ZBTB20: variants seen among roughly 807,000 people sequenced by gnomAD.
The protein encoded by ZBTB20 is zinc finger and BTB domain-containing protein 20.
A neutral mutation model predicts 56.9 loss-of-function variants in ZBTB20; 9 were observed. The ratio of observed to expected loss-of-function variants is 0.16; its 90% CI spans 0.10 to 0.28. The LOEUF is 0.28. Among genes scored for constraint, ZBTB20 ranks in the 10% least tolerant of loss-of-function variants. The pLI is 1.00. For missense variants in ZBTB20, 655 were observed against 1,003.0 expected (o/e 0.65, Z 4.69); for synonymous variants, 417 against 420.7 (o/e 0.99, Z 0.11).
chr3:114,984,909 A>G (rs1007641770), intron 2 of ZBTB20, among the ~76,000 whole-genome samples: 7 of 151,980 alleles, frequency 4.6e-5, no homozygotes, highest in African/African-American at 1.4e-4. Flanking sequence ...TCATCAGGCC[A>G]TGCTTGTTTG....
intron 4 of ZBTB20, among the ~76,000 whole-genome samples, chr3:114,869,390 C>A (rs1377504799): frequency 6.6e-6 from 1 of 152,098 alleles, no homozygotes; most frequent in Non-Finnish European, 1.5e-5. Context: ...ATCAGGTCCA[C>A]ATTTGTTGCT....
chr3:114,558,683 ATT>A (rs1273679192), intron 6 of ZBTB20, among the ~76,000 whole-genome samples: 8 of 152,108 alleles, frequency 5.3e-5, no homozygotes, highest in African/African-American at 9.7e-5. Flanking sequence ...AACTGTAGTG[ATT>A]TCTTTCAATG....
At chr3:115,124,166 A>G (rs2084258605) in intron 1 of ZBTB20, among the ~76,000 whole-genome samples, 1 of 152,240 alleles carries the variant, frequency 6.6e-6, no homozygotes, top group African/African-American at 2.4e-5. Context: ...TTAGATTTAT[A>G]CAAAGTTGCT....
At chr3:115,091,923 T>C (rs898549068) in intron 1 of ZBTB20, among the ~76,000 whole-genome samples, 1 of 151,984 alleles carries the variant, frequency 6.6e-6, no homozygotes, top group Non-Finnish European at 1.5e-5. Flanking sequence ...AGAGGTGATA[T>C]TGCCAAGTTA....
chr3:114,641,738 GA>G (rs1436782848), intron 6 of ZBTB20, among the ~76,000 whole-genome samples: 1 of 151,030 alleles, frequency 6.6e-6, no homozygotes, highest in African/African-American at 2.4e-5. Context: ...AATTTGACTA[GA>G]AAAAAAATGA....
chr3:114,678,435 C>T (rs1420587850), intron 6 of ZBTB20, among the ~76,000 whole-genome samples: 3 of 152,172 alleles, frequency 2.0e-5, no homozygotes, highest in South Asian at 2.1e-4. Flanking sequence ...ACTCTTCAGT[C>T]AACTATAGGA....
chr3:114,750,608 A>G (rs886937010), intron 5 of ZBTB20, among the ~76,000 whole-genome samples: 1 of 152,122 alleles, frequency 6.6e-6, no homozygotes, highest in African/African-American at 2.4e-5. Context: ...TCTGAGGGGG[A>G]AAAAATAGGC....
intron 4 of ZBTB20, among the ~76,000 whole-genome samples, chr3:114,839,388 A>T (rs1197505517): frequency 7.0e-6 from 1 of 143,244 alleles, no homozygotes; most frequent in Admixed American, 7.0e-5. Context: ...AGCCTGGGTG[A>T]CAGAGTGAGA....
intron 2 of ZBTB20, among the ~76,000 whole-genome samples, chr3:114,983,952 C>G (rs144640512): frequency 6.6e-6 from 1 of 152,060 alleles, no homozygotes; most frequent in Non-Finnish European, 1.5e-5. Flanking sequence ...GAAACGATTT[C>G]CTTTGCTATA....
At chr3:114,969,506 T>G (rs1187717873) in intron 3 of ZBTB20, among the ~76,000 whole-genome samples, 1 of 152,216 alleles carries the variant, frequency 6.6e-6, no homozygotes, top group African/African-American at 2.4e-5. Context: ...TCTATACGTA[T>G]ACTGGTAAAG....
At chr3:114,900,388 T>G (rs2075061434) in intron 3 of ZBTB20, 46 bp from the exon 4 acceptor site, 1 of 152,096 alleles carries the variant, frequency 6.6e-6, no homozygotes. Context: ...TTTACTAAGT[T>G]GGAACCAGTA....
intron 4 of ZBTB20, among the ~76,000 whole-genome samples, chr3:114,867,251 C>G (rs964884538): frequency 6.6e-6 from 1 of 152,048 alleles, no homozygotes; most frequent in Non-Finnish European, 1.5e-5. Flanking sequence ...GGCAGGAAAA[C>G]CAGGTTGATC....
intron 11 of ZBTB20, among the ~76,000 whole-genome samples, chr3:114,343,963 C>T (rs2079989858): frequency 6.6e-6 from 1 of 152,042 alleles, no homozygotes; most frequent in African/African-American, 2.4e-5. Context: ...GCAGGAGAAT[C>T]ACTTGAACCC....
intron 10 of ZBTB20, among the ~76,000 whole-genome samples, chr3:114,369,163 C>T (rs2082726465): frequency 6.6e-6 from 1 of 152,124 alleles, no homozygotes; most frequent in Non-Finnish European, 1.5e-5. Context: ...AACGTGATTA[C>T]AGTAAAAAAT....
At chr3:114,776,631 G>C (rs1481475829) in intron 5 of ZBTB20, among the ~76,000 whole-genome samples, 1 of 152,230 alleles carries the variant, frequency 6.6e-6, no homozygotes, top group Non-Finnish European at 1.5e-5. Flanking sequence ...CACCAGGCTT[G>C]TGGTAGTTTG....
At chr3:115,144,472 G>T (rs1384860096) in intron 1 of ZBTB20, among the ~76,000 whole-genome samples, 1 of 151,958 alleles carries the variant, frequency 6.6e-6, no homozygotes, top group Non-Finnish European at 1.5e-5. Context: ...CTTATTAACA[G>T]GACAACAAGA....
At chr3:114,988,056 G>GT (rs753433512) in intron 2 of ZBTB20, among the ~76,000 whole-genome samples, 85 of 111,802 alleles carry the variant, frequency 7.6e-4, no homozygotes, top group Non-Finnish European at 1.5e-3. Flanking sequence ...TTTATTTATT[G>GT]TTTTTTTCAC....
At chr3:115,040,305 G>A (rs903525492) in intron 2 of ZBTB20, among the ~76,000 whole-genome samples, 3 of 151,930 alleles carry the variant, frequency 2.0e-5, no homozygotes, top group Non-Finnish European at 2.9e-5. Flanking sequence ...AATATGTCAG[G>A]GTAAGTAGAC....
At chr3:114,697,108 A>T (rs1291877660) in intron 5 of ZBTB20, among the ~76,000 whole-genome samples, 1 of 151,492 alleles carries the variant, frequency 6.6e-6, no homozygotes, top group African/African-American at 2.4e-5. Flanking sequence ...AAAAAAAAAA[A>T]AGCATTAGAG....
Sources: gnomAD v4.1 joint callset for allele counts (sites outside exome capture counted in the v4.1 genomes callset) on GRCh38, gnomAD v4.1.1 for gene constraint, MANE v1.5 for transcripts, NCBI Gene and HGNC (gene_info 2026-07-23, HGNC 2026-07-21) for gene names.